Variants in GNG7 observed in about 807,000 individuals in gnomAD.
GNG7 encodes the protein guanine nucleotide-binding protein G(I)/G(S)/G(O) subunit gamma-7.
In GNG7, 1 loss-of-function variant was observed where a neutral mutation model predicts 4.0. That is an observed-to-expected ratio of 0.25 (90% CI 0.09 to 1.18). GNG7 has a LOEUF of 1.18. Ranked by LOEUF, GNG7 falls within the 50% of genes most tolerant of loss-of-function variation. The pLI is 0.50. For missense variants in GNG7, 86 were observed against 91.9 expected, an observed-to-expected ratio of 0.94 and a Z score of 0.26; for synonymous variants, 34 against 36.9, an observed-to-expected ratio of 0.92 and a Z score of 0.29.
At chr19:2,591,918 T>C (rs1980860712) in intron 2 of GNG7, among the ~76,000 whole-genome samples, 1 of 152,190 alleles carries the variant, frequency 6.6e-6, no homozygotes. Flanking sequence ...GGCAAAACTT[T>C]TAAATTCAGT....
intron 2 of GNG7, among the ~76,000 whole-genome samples, chr19:2,644,337 A>G (rs1982602542): frequency 2.3e-4 from 2 of 8,848 alleles, no homozygotes; most frequent in South Asian, 4.3e-3. Flanking sequence ...TTATATATAT[A>G]TATATATATA....
intron 1 of GNG7, among the ~76,000 whole-genome samples, chr19:2,673,724 G>T (rs1056617844): frequency 1.3e-5 from 2 of 151,100 alleles, no homozygotes; most frequent in African/African-American, 4.9e-5. Context: ...AAGAAAGAAA[G>T]AAAAATAAAA....
chr19:2,571,756 T>G (rs1980155777), intron 2 of GNG7, among the ~76,000 whole-genome samples: 1 of 151,690 alleles, frequency 6.6e-6, no homozygotes, highest in South Asian at 2.1e-4. Flanking sequence ...CCACCACGCC[T>G]GGCTAATTTT....
intron 2 of GNG7, among the ~76,000 whole-genome samples, chr19:2,594,394 AGAAAGAAGGAGG>A (rs1256618843): frequency 8.3e-6 from 1 of 121,212 alleles, no homozygotes; most frequent in Admixed American, 9.2e-5. Flanking sequence ...AAAGAAGGAA[AGAAAGAAGGAGG>A]GAAGGAAGGA....
At chr19:2,590,501 C>T (rs568617043) in intron 2 of GNG7, among the ~76,000 whole-genome samples, 164 of 151,966 alleles carry the variant, frequency 1.1e-3, no homozygotes, top group Middle Eastern at 3.4e-3. Context: ...ATCCATCCAT[C>T]CATCCATCCA....
At position 2,544,731 on chromosome 19, in the gene GNG7, G is replaced by A. The variant is rs552810154; in HGVS notation, c.-38+10418C>T. Reference sequence around the variant, plus strand: ...TTGGGGGGGTGGGTGATTCAGCCCCGCCAGGAAACCCTGGGCGATGCCTGA... The same window carrying A: ...TTGGGGGGGTGGGTGATTCAGCCCCACCAGGAAACCCTGGGCGATGCCTGA... On this transcript the variant is annotated intron_variant, in intron 3 of 4. Transcript: ENST00000382159. Among the ~76,000 whole-genome samples, 8 of 152,208 alleles carry A rather than the reference G, an allele frequency of 5.3e-5. No individual in the cohort carries two copies. The South Asian group carries it at 8.3e-4, about 16-fold the overall frequency.
chr19:2,668,231 AAGAGAC>A (rs1222116318), intron 1 of GNG7, among the ~76,000 whole-genome samples: 2 of 148,272 alleles, frequency 1.3e-5, no homozygotes, highest in Non-Finnish European at 3.0e-5. Context: ...AAAAAAAAAA[AAGAGAC>A]AGAGAGAAGA....
chr19:2,691,305 AG>A (rs1381869285), intron 1 of GNG7, among the ~76,000 whole-genome samples: 3 of 152,318 alleles, frequency 2.0e-5, no homozygotes, highest in Admixed American at 6.5e-5. Flanking sequence ...GCACTTTGGG[AG>A]GACGGGACCA....
At chr19:2,672,026 G>A (rs1983466915) in intron 1 of GNG7, among the ~76,000 whole-genome samples, 1 of 142,524 alleles carries the variant, frequency 7.0e-6, no homozygotes, top group Non-Finnish European at 1.5e-5. Flanking sequence ...CCTCCAGCCT[G>A]GGTGACAGAG....
intron 1 of GNG7, among the ~76,000 whole-genome samples, chr19:2,654,777 T>TC (rs1982921512): frequency 2.7e-5 from 3 of 110,230 alleles, no homozygotes; most frequent in South Asian, 2.9e-4. Flanking sequence ...ATGCAGGGTC[T>TC]CCCCCCTCTG....
chr19:2,678,784 C>T lies in GNG7; in HGVS notation c.-135+23862G>A, dbSNP rs560927966. ...TCTCAGAGCTAGGAGTGGCCTTCAA[C>T]GCCAGGTCTACACCCCATGCCAACA... On this transcript the variant is annotated intron_variant, in intron 1 of 4. Coordinates refer to ENST00000382159, the MANE Select transcript of GNG7 (RefSeq NM_052847.3). Among the ~76,000 whole-genome samples, 380 of 152,110 alleles carry T rather than the reference C, an allele frequency of 2.5e-3. 6 individuals carry two copies. The highest frequency in any genetic ancestry group is 3.8e-3 in the African/African-American group (156 of 41,488).
intron 3 of GNG7, among the ~76,000 whole-genome samples, chr19:2,525,094 C>T (rs1412315549): frequency 6.6e-6 from 1 of 152,144 alleles, no homozygotes; most frequent in Non-Finnish European, 1.5e-5. Flanking sequence ...GAACTGGCCA[C>T]GCACTGAGTC....
At chr19:2,538,600 CAGCCTGGGCA>C (rs1253465597) in intron 3 of GNG7, 3 of 407,254 alleles carry the variant, frequency 7.4e-6, no homozygotes, top group Non-Finnish European at 1.4e-5. Context: ...CGCTGCACTC[CAGCCTGGGCA>C]ACAGAGCAAG....
intron 2 of GNG7, among the ~76,000 whole-genome samples, chr19:2,607,498 CA>C (rs1981423092): frequency 1.4e-5 from 2 of 145,328 alleles, no homozygotes; most frequent in South Asian, 2.2e-4. Context: ...CATTGCACTC[CA>C]GCCTGGGCGA....
chr19:2,610,824 C>T (rs8104096), intron 2 of GNG7: 42,374 of 151,550 alleles, frequency 0.28, 6,300 homozygotes, highest in African/African-American at 0.37. Context: ...TGAACCAAAG[C>T]GGCCTCAGGG....
At chr19:2,572,597 C>CTT (rs372886442) in intron 2 of GNG7, among the ~76,000 whole-genome samples, 1,596 of 132,828 alleles carry the variant, frequency 0.012, 11 homozygotes, top group Non-Finnish European at 0.017. Context: ...GCGCCCGGCC[C>CTT]TTTTTTTTTT....
chr19:2,637,400 GGCGCCTGCACCCCTC>G, intron 2 of GNG7, among the ~76,000 whole-genome samples: 1 of 151,862 alleles, frequency 6.6e-6, no homozygotes, highest in African/African-American at 2.4e-5. Flanking sequence ...GACCCCCGCA[GGCGCCTGCACCCCTC>G]ACAGCCTCGC....
intron 3 of GNG7, among the ~76,000 whole-genome samples, chr19:2,528,203 G>T (rs1978471981): frequency 6.7e-6 from 1 of 149,762 alleles, no homozygotes; most frequent in Non-Finnish European, 1.5e-5. Context: ...CCCAGGAGGT[G>T]GAGGTTGCAG....
At chr19:2,568,789 C>T (rs567772422) in intron 2 of GNG7, among the ~76,000 whole-genome samples, 1 of 151,452 alleles carries the variant, frequency 6.6e-6, no homozygotes, top group Non-Finnish European at 1.5e-5. Context: ...CACATACACA[C>T]ATATACACGC....
Sources: gnomAD v4.1 joint callset for allele counts (sites outside exome capture counted in the v4.1 genomes callset) on GRCh38, gnomAD v4.1.1 for gene constraint, MANE v1.5 for transcripts, NCBI Gene and HGNC (gene_info 2026-07-23, HGNC 2026-07-21) for gene names.